MID1: variants seen among roughly 807,000 people sequenced by gnomAD.
The protein encoded by MID1 is E3 ubiquitin-protein ligase Midline-1.
MID1 carries 7 observed loss-of-function variants against 40.4 expected under a neutral mutation model. The ratio of observed to expected loss-of-function variants is 0.17; its 90% confidence interval spans 0.10 to 0.33. The LOEUF (loss-of-function observed/expected upper bound fraction) is 0.33. Ranked by LOEUF, MID1 falls within the 10% of genes least tolerant of loss-of-function variation. The pLI, the probability that MID1 is intolerant of heterozygous loss-of-function variation, is 1.00. For synonymous variants in MID1, 229 were observed against 221.2 expected (o/e 1.04, Z -0.31); for missense variants, 367 against 558.5 (o/e 0.66, Z 3.46).
intron 1 of MID1, among the ~76,000 whole-genome samples, chrX:10,776,196 T>C (rs2043801636): frequency 8.9e-6 from 1 of 111,887 alleles, no homozygotes. Flanking sequence ...TTCTGTTTGA[T>C]CTTGATAATA....
At chrX:10,533,391 A>AAAAAG (rs1933091894) in intron 2 of MID1, among the ~76,000 whole-genome samples, 2 of 55,066 alleles carry the variant, frequency 3.6e-5, no homozygotes, top group Non-Finnish European at 6.3e-5. Context: ...AGAAAGAAAG[A>AAAAAG]AAAGAAAGAA....
intron 1 of MID1, among the ~76,000 whole-genome samples, chrX:10,761,780 T>C (rs2043679859): frequency 8.9e-6 from 1 of 112,078 alleles, no homozygotes; most frequent in Non-Finnish European, 1.9e-5. Flanking sequence ...TCTAAGCCAC[T>C]ATGTATGAAG....
chrX:10,558,048 C>T (rs1449801166), intron 2 of MID1, among the ~76,000 whole-genome samples: 2 of 101,343 alleles, frequency 2.0e-5, no homozygotes, highest in Non-Finnish European at 2.0e-5. Flanking sequence ...AGAAAATATA[C>T]ATTAACCTCT....
chrX:10,649,442 T>C (rs1224708562), intron 1 of MID1, among the ~76,000 whole-genome samples: 1 of 112,179 alleles, frequency 8.9e-6, no homozygotes, highest in East Asian at 2.8e-4. Flanking sequence ...CCTCTCCTTC[T>C]AGTTGGATCA....
At chrX:10,636,784 G>GTATATATA (rs1198448070) in intron 1 of MID1, among the ~76,000 whole-genome samples, 164 of 12,148 alleles carry the variant, frequency 0.014, 2 homozygotes, top group African/African-American at 0.017. Flanking sequence ...CCAACAATGG[G>GTATATATA]GATATATATA....
chrX:10,537,161 A>G (rs145766032), intron 2 of MID1, among the ~76,000 whole-genome samples: 51 of 111,003 alleles, frequency 4.6e-4, no homozygotes, highest in Non-Finnish European at 7.4e-4. Flanking sequence ...CTCCCAGTGT[A>G]TTCTTGATTA....
chrX:10,469,361 G>GA lies in MID1; in HGVS notation c.1285+335dup, dbSNP rs201921135. 14,506 of 947,353 alleles carry GA rather than the reference G, an allele frequency of 0.015. 182 individuals are homozygous for GA. Among genetic ancestry groups the GA allele is most frequent in the African/African-American group, 0.07 (3,484 of 49,685 alleles). 78.1% of individuals were successfully genotyped at this position (947,353 alleles called of 1,213,427 possible). The stretch of plus-strand genomic sequence containing the variant: ...TAGTTTATTTTGATCTTTAAGTTAT[G>GA]AACCTATATGTGGATTAATACTATA... On this transcript the variant is annotated intron_variant, in intron 7 of 9. Coordinates refer to ENST00000317552, the MANE Select transcript of MID1 (RefSeq NM_000381.4).
chrX:10,711,871 T>C (rs2043270332), intron 1 of MID1, among the ~76,000 whole-genome samples: 1 of 112,212 alleles, frequency 8.9e-6, no homozygotes, highest in Admixed American at 9.4e-5. Context: ...CATCTGGCAA[T>C]GTCTAGAACA....
chrX:10,587,397 C>T (rs916565179), intron 1 of MID1, among the ~76,000 whole-genome samples: 3 of 113,069 alleles, frequency 2.7e-5, no homozygotes, highest in Admixed American at 9.3e-5. Context: ...GTGAGAGACA[C>T]GAAGTGAACT....
chrX:10,562,371 T>TAAAAAAAAA (rs760465620), intron 2 of MID1, among the ~76,000 whole-genome samples: 1 of 44,891 alleles, frequency 2.2e-5, no homozygotes, highest in Non-Finnish European at 4.3e-5. Context: ...GAACTTAAAG[T>TAAAAAAAAA]AAAAAAAAAA....
chrX:10,727,521 C>T (rs1189886082), intron 1 of MID1, among the ~76,000 whole-genome samples: 1 of 112,084 alleles, frequency 8.9e-6, no homozygotes, highest in Non-Finnish European at 1.9e-5. Flanking sequence ...CTTAACTCTG[C>T]TAAATTAGAG....
intron 7 of MID1, among the ~76,000 whole-genome samples, chrX:10,465,216 C>T (rs7059439): frequency 0.094 from 3,736 of 39,617 alleles, 83 homozygotes; most frequent in Non-Finnish European, 0.14. Context: ...TATATATATA[C>T]ACACACACAC....
chrX:10,804,525 CT>C (rs2044030311), intron 1 of MID1, among the ~76,000 whole-genome samples: 1 of 111,809 alleles, frequency 8.9e-6, no homozygotes, highest in Non-Finnish European at 1.9e-5. Context: ...CCCATTGTAT[CT>C]TTACGTTTCC....
At chrX:10,458,987 G>GGACAGA (rs113063944) in intron 8 of MID1, among the ~76,000 whole-genome samples, 4,846 of 111,126 alleles carry the variant, frequency 0.044, 248 homozygotes, top group African/African-American at 0.15. Context: ...AAACACATGT[G>GGACAGA]GACAGAGAGA....
At chrX:10,755,219 A>C (rs73482998) in intron 1 of MID1, among the ~76,000 whole-genome samples, 11,653 of 111,790 alleles carry the variant, frequency 0.1, 1,474 homozygotes, top group African/African-American at 0.36. Flanking sequence ...AGACATAGAG[A>C]AGTAAAAGTG....
intron 5 of MID1, 165 bp from the exon 6 acceptor site, chrX:10,474,915 A>T: frequency 1.9e-6 from 1 of 517,368 alleles, no homozygotes; most frequent in Non-Finnish European, 3.4e-6. Flanking sequence ...ACATAAAACA[A>T]ATGAATGCAA....
chrX:10,806,596 T>C lies in MID1; in HGVS notation c.-187+26958A>G, dbSNP rs1246326262. Among the ~76,000 whole-genome samples, 3 of 112,447 alleles carry C rather than the reference T, an allele frequency of 2.7e-5. No homozygotes were observed. In the Admixed American group the frequency reaches 2.8e-4, roughly 11 times the overall value. ...AAACCAGATGTTTCTGATGTTACTA[T>C]ATTTTAAATTTATGAATAAGTTACA... On this transcript the variant is annotated intron_variant, in intron 1 of 10. Coordinates refer to the MID1 transcript ENST00000380785.
At chrX:10,641,702 A>C (rs1053484401) in intron 1 of MID1, among the ~76,000 whole-genome samples, 10 of 112,000 alleles carry the variant, frequency 8.9e-5, no homozygotes, top group Admixed American at 2.8e-4. Flanking sequence ...AGCCTGGCAG[A>C]GACACAACAA....
intron 1 of MID1, among the ~76,000 whole-genome samples, chrX:10,571,838 G>A (rs756444613): frequency 3.0e-4 from 33 of 109,992 alleles, no homozygotes; most frequent in African/African-American, 9.9e-4. Flanking sequence ...GCAATGAACC[G>A]TGATCATGCC....
Sources: gnomAD v4.1 joint callset for allele counts (sites outside exome capture counted in the v4.1 genomes callset) on GRCh38, gnomAD v4.1.1 for gene constraint, MANE v1.5 for transcripts, NCBI Gene and HGNC (gene_info 2026-07-23, HGNC 2026-07-21) for gene names.